NISCH: variants seen among roughly 807,000 people sequenced by gnomAD.
NISCH encodes I-1 receptor candidate protein.
Under a neutral mutation model 138.4 loss-of-function variants are expected in NISCH, and 55 were observed. The ratio of observed to expected loss-of-function variants is 0.40; its 90% confidence interval spans 0.32 to 0.50. NISCH has a LOEUF of 0.50. Among genes scored for constraint, NISCH ranks in the 20% least tolerant of loss-of-function variants. The pLI is 0.71. For missense variants in NISCH, 1,643 were observed against 2,005.5 expected (o/e 0.82, Z 3.45); for synonymous variants, 860 against 861.5 (o/e 1.00, Z 0.03).
intron 18 of NISCH, 85 bp from the exon 19 acceptor site, chr3:52,490,620 C>T: frequency 6.3e-7 from 1 of 1,580,644 alleles, no homozygotes; most frequent in Non-Finnish European, 8.7e-7. Flanking sequence ...GCCAAGAGGA[C>T]CTGTTCCTGC....
intron 3 of NISCH, chr3:52,470,475 C>T (rs941536167): frequency 1.5e-5 from 3 of 205,372 alleles, no homozygotes; most frequent in African/African-American, 2.3e-5. Context: ...CCAGAAAAAA[C>T]AGGACTTTTC....
chr3:52,456,761 C>T (rs1035375261), intron 1 of NISCH, among the ~76,000 whole-genome samples: 1 of 152,182 alleles, frequency 6.6e-6, no homozygotes, highest in African/African-American at 2.4e-5. Context: ...AGCAACAGGC[C>T]AGCCTGGAGA....
At position 52,489,902 on chromosome 3, in the gene NISCH, C is replaced by A. The variant is rs566212326; in HGVS notation, c.3457-173C>A. 19 of 1,177,712 alleles carry A rather than the reference C, an allele frequency of 1.6e-5. No individual in the cohort carries two copies. The African/African-American group carries it at 2.3e-4, about 14-fold the overall frequency. 73.0% of individuals were successfully genotyped at this position (1,177,712 alleles called of 1,614,324 possible). A position where few individuals can be genotyped will look rare whatever the true frequency, so the allele number is the denominator to read the frequency against. On this transcript the variant is annotated intron_variant, in intron 17 of 20. Coordinates refer to ENST00000345716, the MANE Select transcript of NISCH (RefSeq NM_007184.4). ...TGTGCCACTTCCAGCCCCAGGTAGA[C>A]CTCCCACCAACAGCCATCTCCCACC...
chr3:52,482,776 C>T (rs962317145), intron 13 of NISCH, among the ~76,000 whole-genome samples: 3 of 152,162 alleles, frequency 2.0e-5, no homozygotes, highest in Non-Finnish European at 2.9e-5. Context: ...TGGTAAATAA[C>T]GAGAGGCATG....
In NISCH at chr3:52,484,667, A is replaced by C. The variant is rs189541506; in HGVS notation, c.1653+30A>C. 1,426 of 1,612,494 alleles carry C rather than the reference A, an allele frequency of 8.8e-4. 12 individuals carry two copies. The highest frequency in any genetic ancestry group is 2.9e-4 in the Non-Finnish European group (337 of 1,179,110). On this transcript the variant is annotated intron_variant, in intron 14 of 20. Coordinates refer to ENST00000345716, the MANE Select transcript of NISCH (RefSeq NM_007184.4). ...TGCCCTCTTCCCGCTTCTGGGGACCATACATCTGTGGGTGGACTCTTCTGC... is the reference window on the plus strand; with the variant it reads ...TGCCCTCTTCCCGCTTCTGGGGACCCTACATCTGTGGGTGGACTCTTCTGC...
chr3:52,474,082 A>C (rs569767805), intron 7 of NISCH, among the ~76,000 whole-genome samples: 5 of 152,264 alleles, frequency 3.3e-5, no homozygotes, highest in Non-Finnish European at 5.9e-5. Context: ...TTCTTTCCCC[A>C]AAAAATAAAA....
At chr3:52,466,233 G>A (rs1706775930) in intron 3 of NISCH, among the ~76,000 whole-genome samples, 6 of 152,162 alleles carry the variant, frequency 3.9e-5, no homozygotes. Flanking sequence ...TATTATGCCT[G>A]ACTCCTGCTA....
At position 52,480,307 on chromosome 3, in the gene NISCH, T is replaced by G. The variant is rs1183881277; in HGVS notation, c.1528+12T>G. ...CCTCTCTAACCAAGGTAATCGTGTA[T>G]GTATCTTGCTTCTAGTGGAGCCACA... On this transcript the variant is annotated intron_variant, in intron 13 of 20. Coordinates refer to ENST00000345716, the MANE Select transcript of NISCH (RefSeq NM_007184.4). 6.2e-7 allele frequency: 1 copy of G among 1,613,592 alleles called. No homozygotes were observed. Among genetic ancestry groups the G allele is most frequent in the Non-Finnish European group, 8.5e-7 (1 of 1,180,016 alleles).
Position 52,492,036 on chromosome 3 carries a change from G to C in NISCH, c.4069G>C (p.Gly1357Arg), listed in dbSNP as rs1473504160. 6.2e-7 allele frequency: 1 copy of C among 1,613,014 alleles called. No homozygotes were observed. ...GCTGTACGTGCAGGCCTTCCAGGTG[G>C]GCATGCCACCCCCTGGGTGCTGCAG... ...ILLYVQAFQV[G>R]MPPPGCCRGP... The change falls in exon 21 of 21, where the codon GGC becomes CGC. Residue 1357 changes from glycine (G) to arginine (R), a missense_variant. Physicochemically the swap from Gly to Arg is moderately radical, Grantham distance 125. Transcript: ENST00000345716.
chr3:52,484,457 C>T (rs994700616), intron 13 of NISCH, 56 bp from the exon 14 acceptor site: 52 of 948,766 alleles, frequency 5.5e-5, no homozygotes, highest in Middle Eastern at 3.6e-4. Context: ...GTTGAACAGC[C>T]GCTCTCCCCG....
At chr3:52,480,829 G>A (rs914458480) in intron 13 of NISCH, 12 of 1,523,332 alleles carry the variant, frequency 7.9e-6, no homozygotes, top group Middle Eastern at 1.7e-4. Context: ...AGGCCCATTC[G>A]TCTGCCCACT....
chr3:52,487,583 C>G lies in NISCH; in HGVS notation c.2091C>G (p.Asp697Glu). 1 of 1,613,592 alleles carries G rather than the reference C, an allele frequency of 6.2e-7. No individual in the cohort carries two copies. The highest frequency in any genetic ancestry group is 8.5e-7 in the Non-Finnish European group (1 of 1,179,728). ...CTCTGGAATGGGCCCTGGGCGCGGA[C>G]GAGGACTTCCTGCTGGAGCACATCC... is the stretch of plus-strand genomic sequence containing the variant. Reference protein sequence around the residue: ...RLALEWALGADEDFLLEHIRI... With the variant: ...RLALEWALGAEEDFLLEHIRI... The change falls in exon 16 of 21, where the codon GAC becomes GAG. Residue 697 changes from aspartate to glutamate, a missense_variant. Asp to Glu is a conservative substitution (Grantham distance 45, BLOSUM62 2). Transcript: ENST00000345716. The surrounding 1 kb of genome is among the most constrained non-coding windows in gnomAD (Gnocchi z 9.1).
At chr3:52,483,934 T>C (rs184622299) in intron 13 of NISCH, among the ~76,000 whole-genome samples, 2 of 152,374 alleles carry the variant, frequency 1.3e-5, no homozygotes, top group East Asian at 3.9e-4. Flanking sequence ...ACACAGTCAG[T>C]CTGACTTTGG....
intron 9 of NISCH, 187 bp downstream of exon 9, chr3:52,477,829 A>G: frequency 1.6e-6 from 1 of 633,132 alleles, no homozygotes; most frequent in Non-Finnish European, 2.8e-6. Context: ...AGGAAGCATG[A>G]GTAAATACAA....
chr3:52,484,462 T>TGGGCGG, intron 13 of NISCH, 51 bp from the exon 14 acceptor site: 4 of 788,670 alleles, frequency 5.1e-6, no homozygotes, highest in Non-Finnish European at 7.3e-6. Flanking sequence ...ACAGCCGCTC[T>TGGGCGG]CCCCGCCCCA....
intron 3 of NISCH, among the ~76,000 whole-genome samples, chr3:52,464,267 G>A (rs1410443808): frequency 2.0e-5 from 3 of 151,690 alleles, no homozygotes; most frequent in Non-Finnish European, 2.9e-5. Flanking sequence ...GCATGGTGGT[G>A]TGTGCCTGTA....
In NISCH at chr3:52,471,985, T is replaced by G; in HGVS notation, c.573+8T>G. 1 of 1,570,924 alleles carries G rather than the reference T, an allele frequency of 6.4e-7. No individual in the cohort carries two copies. The highest frequency in any genetic ancestry group is 1.8e-5 in the Admixed American group (1 of 56,626). On this transcript the variant is annotated splice_region_variant and intron_variant, in intron 5 of 20. Coordinates refer to ENST00000345716, the MANE Select transcript of NISCH (RefSeq NM_007184.4). Reference sequence around the variant, plus strand: ...CGCCTTAAGTACCTTAAGGTAAAGCTGCAGCAGCTCAGTCATGGAGAGCCC... The same window carrying G: ...CGCCTTAAGTACCTTAAGGTAAAGCGGCAGCAGCTCAGTCATGGAGAGCCC...
At chr3:52,489,925 A>G (rs1447834828) in intron 17 of NISCH, 150 bp from the exon 18 acceptor site, 7 of 1,223,090 alleles carry the variant, frequency 5.7e-6, no homozygotes, top group Non-Finnish European at 7.9e-6. Flanking sequence ...GCCATCTCCC[A>G]CCCCTCTCTT....
intron 19 of NISCH, 29 bp from the exon 20 acceptor site, chr3:52,491,323 G>A (rs1056552413): frequency 3.1e-6 from 5 of 1,595,890 alleles, no homozygotes; most frequent in Non-Finnish European, 4.3e-6. Context: ...GCGCCGGCCT[G>A]TGGCCCTGAC....
Sources: gnomAD v4.1 joint callset for allele counts (sites outside exome capture counted in the v4.1 genomes callset) on GRCh38, gnomAD v4.1.1 for gene constraint, Gnocchi (gnomAD v3.1) non-coding constraint, MANE v1.5 for transcripts, NCBI Gene and HGNC (gene_info 2026-07-23, HGNC 2026-07-21) for gene names.